NEDD4: variants seen among roughly 807,000 people sequenced by gnomAD.
NEDD4 encodes the protein E3 ubiquitin-protein ligase NEDD4.
NEDD4 carries 99 observed loss-of-function variants against 144.9 expected under a neutral mutation model. The ratio of observed to expected loss-of-function variants is 0.68; its 90% CI spans 0.58 to 0.81. NEDD4 has a LOEUF of 0.81. Ranked by LOEUF, NEDD4 falls within the 30% of genes least tolerant of loss-of-function variation. NEDD4 has a pLI of 0.00. For missense variants in NEDD4, 985 were observed against 1,065.9 expected, an observed-to-expected ratio of 0.92 and a Z score of 1.06; for synonymous variants, 318 against 350.6, an observed-to-expected ratio of 0.91 and a Z score of 1.04.
chr15:55,902,295 T>C (rs1454895313), intron 5 of NEDD4, among the ~76,000 whole-genome samples: 1 of 152,198 alleles, frequency 6.6e-6, no homozygotes, highest in African/African-American at 2.4e-5. Context: ...AAAAGAGATG[T>C]ATCCATCTTG....
rs1394958085 is a variant in NEDD4, at chr15:55,979,400, G to A, written c.46-12854C>T. ...CTCGCTCTGTCGCCCAGGCCGGACT[G>A]CGGACTGCAGTGGCGCAATCTCGGC... is the stretch of plus-strand genomic sequence containing the variant. On this transcript the variant is annotated intron_variant, in intron 1 of 28. Transcript: ENST00000435532. 1.0e-4 allele frequency among the ~76,000 whole-genome samples: 13 copies of A among 129,680 alleles called. No individual in the cohort carries two copies. In the East Asian group the frequency reaches 3.0e-3, roughly 30 times the overall value. The allele number at this position is 129,680 out of a possible 152,430, so 85.1% of individuals were successfully genotyped here. A position where few individuals can be genotyped will look rare whatever the true frequency, so the allele number is the denominator to read the frequency against.
chr15:55,886,393 A>G (rs1396612988), intron 5 of NEDD4, among the ~76,000 whole-genome samples: 1 of 152,236 alleles, frequency 6.6e-6, no homozygotes, highest in Non-Finnish European at 1.5e-5. Flanking sequence ...GCTTCAGATT[A>G]CACATTATTC....
intron 12 of NEDD4, among the ~76,000 whole-genome samples, chr15:55,855,200 A>T (rs2034141972): frequency 6.6e-6 from 1 of 152,156 alleles, no homozygotes. Flanking sequence ...CAGATAACCC[A>T]CTCATGGGAT....
intron 4 of NEDD4, among the ~76,000 whole-genome samples, chr15:55,934,016 G>A (rs1263570354): frequency 1.3e-5 from 2 of 152,130 alleles, no homozygotes; most frequent in Admixed American, 1.3e-4. Context: ...AGCTGGGTGT[G>A]GTGGCACACG....
intron 4 of NEDD4, among the ~76,000 whole-genome samples, chr15:55,937,133 C>T (rs1233187821): frequency 2.6e-5 from 4 of 152,110 alleles, no homozygotes; most frequent in Admixed American, 6.6e-5. Context: ...TGGAGTTTCC[C>T]GTTTGTGTTG....
intron 5 of NEDD4, chr15:55,916,021 T>C: frequency 6.2e-7 from 1 of 1,613,862 alleles, no homozygotes; most frequent in Non-Finnish European, 8.5e-7. Context: ...GAAGGACTCC[T>C]AGGAAAAATG....
intron 2 of NEDD4, among the ~76,000 whole-genome samples, chr15:55,959,042 T>A (rs1183123344): frequency 6.6e-6 from 1 of 151,096 alleles, no homozygotes; most frequent in Non-Finnish European, 1.5e-5. Context: ...GTCTTTATTA[T>A]TTCTTCCCTC....
intron 4 of NEDD4, among the ~76,000 whole-genome samples, chr15:55,925,478 G>A (rs1370405949): frequency 1.2e-4 from 18 of 152,148 alleles, no homozygotes; most frequent in Admixed American, 1.0e-3. Context: ...GTACATAGCA[G>A]TCAAAAGTAT....
At chr15:55,891,098 A>G (rs534066229) in intron 5 of NEDD4, among the ~76,000 whole-genome samples, 26 of 152,346 alleles carry the variant, frequency 1.7e-4, no homozygotes, top group African/African-American at 6.3e-4. Flanking sequence ...GAACAAAAGA[A>G]CAAAAATCCC....
At chr15:55,837,730 T>C (rs1218105025) in intron 24 of NEDD4, 59 bp downstream of exon 24, 9 of 1,286,058 alleles carry the variant, frequency 7.0e-6, no homozygotes, top group Non-Finnish European at 7.7e-6. Context: ...GGCCTAATAT[T>C]TGAAACTTAT....
intron 5 of NEDD4, among the ~76,000 whole-genome samples, chr15:55,900,191 G>T (rs1411398160): frequency 6.6e-6 from 1 of 152,138 alleles, no homozygotes; most frequent in Non-Finnish European, 1.5e-5. Context: ...AGCCCAGTGG[G>T]ACACAGCAGG....
chr15:55,863,399 A>T (rs74326044), intron 8 of NEDD4, among the ~76,000 whole-genome samples: 3,152 of 152,294 alleles, frequency 0.021, 117 homozygotes, highest in African/African-American at 0.072. Context: ...TCTCAAAACA[A>T]CAATAAAACA....
chr15:55,959,142 G>A (rs2037386531), intron 2 of NEDD4, among the ~76,000 whole-genome samples: 1 of 151,528 alleles, frequency 6.6e-6, no homozygotes, highest in African/African-American at 2.4e-5. Flanking sequence ...CCTTTTCTAA[G>A]TTAAGCATTT....
intron 2 of NEDD4, among the ~76,000 whole-genome samples, chr15:55,965,180 A>G (rs755070924): frequency 1.3e-5 from 2 of 152,150 alleles, no homozygotes; most frequent in Non-Finnish European, 2.9e-5. Flanking sequence ...CTGTTTGGAC[A>G]AGAGCCACAA....
chr15:55,903,279 A>G (rs2035969408), intron 5 of NEDD4, among the ~76,000 whole-genome samples: 1 of 152,118 alleles, frequency 6.6e-6, no homozygotes, highest in Admixed American at 6.5e-5. Context: ...GGATTCTCCC[A>G]GTGCCCGATG....
chr15:55,871,047 A>C (rs1367429949), intron 7 of NEDD4, among the ~76,000 whole-genome samples: 1 of 152,122 alleles, frequency 6.6e-6, no homozygotes, highest in African/African-American at 2.4e-5. Context: ...AGCCTCCCCT[A>C]ATCTTTTTAG....
intron 1 of NEDD4, among the ~76,000 whole-genome samples, chr15:55,971,136 T>C (rs1008224020): frequency 6.6e-6 from 1 of 152,068 alleles, no homozygotes; most frequent in African/African-American, 2.4e-5. Context: ...ATTCTGAAGT[T>C]GAAAAAATTA....
intron 2 of NEDD4, among the ~76,000 whole-genome samples, chr15:55,965,672 A>G (rs1222375225): frequency 6.6e-6 from 1 of 151,900 alleles, no homozygotes; most frequent in Non-Finnish European, 1.5e-5. Flanking sequence ...GTATGTATGT[A>G]TGTATGTATG....
chr15:55,919,775 T>TCTA (rs1425521049), intron 5 of NEDD4, among the ~76,000 whole-genome samples: 1 of 152,300 alleles, frequency 6.6e-6, no homozygotes, highest in African/African-American at 2.4e-5. Context: ...TTACTGATCA[T>TCTA]CTACATGGAA....
Sources: gnomAD v4.1 joint callset for allele counts (sites outside exome capture counted in the v4.1 genomes callset) on GRCh38, gnomAD v4.1.1 for gene constraint, MANE v1.5 for transcripts, NCBI Gene and HGNC (gene_info 2026-07-23, HGNC 2026-07-21) for gene names.